The following MEOX2 variants were observed in gnomAD, a reference collection of about 807,000 sequenced individuals.
MEOX2 encodes homeobox protein MOX-2.
Under a neutral mutation model 27.0 loss-of-function variants are expected in MEOX2, and 11 were observed. The observed-to-expected ratio is 0.41, with a 90% CI of 0.26 to 0.68. The LOEUF is 0.68. Ranked by LOEUF, MEOX2 falls within the 30% of genes least tolerant of loss-of-function variation. The pLI, the probability that MEOX2 is intolerant of heterozygous loss-of-function variation, is 0.33. For missense variants in MEOX2, 436 were observed against 385.4 expected (o/e 1.13, Z -1.10); for synonymous variants, 189 against 155.4 (o/e 1.22, Z -1.61).
chr7:15,629,417 A>G (rs1272716071), intron 1 of MEOX2, among the ~76,000 whole-genome samples: 1 of 152,124 alleles, frequency 6.6e-6, no homozygotes, highest in South Asian at 2.1e-4. Flanking sequence ...TCCATAAATT[A>G]TTTACTGAAT....
At chr7:15,628,229 C>T (rs879559625) in intron 1 of MEOX2, among the ~76,000 whole-genome samples, 2 of 151,888 alleles carry the variant, frequency 1.3e-5, no homozygotes, top group East Asian at 1.9e-4. Flanking sequence ...TTCTTTCTGT[C>T]TGCCTGAGGG....
At chr7:15,633,048 T>A (rs1022564552) in intron 1 of MEOX2, among the ~76,000 whole-genome samples, 4 of 151,948 alleles carry the variant, frequency 2.6e-5, no homozygotes, top group Non-Finnish European at 5.9e-5. Flanking sequence ...GTACCACTTC[T>A]GTCAGCTCCC....
intron 1 of MEOX2, among the ~76,000 whole-genome samples, chr7:15,631,684 T>A (rs1021204246): frequency 1.2e-4 from 18 of 151,984 alleles, no homozygotes; most frequent in Admixed American, 1.1e-3. Flanking sequence ...TAGCAATAGC[T>A]ACTTACATAA....
At chr7:15,677,503 A>G (rs2115395258) in intron 1 of MEOX2, 1 of 152,304 alleles carries the variant, frequency 6.6e-6, no homozygotes, top group South Asian at 2.1e-4. Flanking sequence ...GGCTTCGGAT[A>G]GTGTTTGATC....
intron 2 of MEOX2, among the ~76,000 whole-genome samples, chr7:15,626,025 C>G (rs554506402): frequency 6.6e-6 from 1 of 152,154 alleles, no homozygotes; most frequent in Non-Finnish European, 1.5e-5. Flanking sequence ...TACCAATGAT[C>G]TATGTGTCCT....
chr7:15,649,242 G>T (rs1051469242), intron 1 of MEOX2, among the ~76,000 whole-genome samples: 1 of 151,968 alleles, frequency 6.6e-6, no homozygotes, highest in South Asian at 2.1e-4. Context: ...TACAATGCAA[G>T]GTATTGTTTT....
Position 15,620,424 on chromosome 7 carries a change from C to T in MEOX2, c.690+6322G>A, listed in dbSNP as rs140368451. Among the ~76,000 whole-genome samples the T allele has an allele frequency of 3.5e-3, 529 of 151,982 alleles. 3 individuals carry two copies. Among genetic ancestry groups the T allele is most frequent in the African/African-American group, 0.012 (509 of 41,480 alleles). On this transcript the variant is annotated intron_variant, in intron 2 of 2. Transcript: ENST00000262041. ...GATTGTGTAAAATAGCTGAGCAAAA[C>T]GGGCGTGGTAGCGGGCTCCTGTAGT...
intron 1 of MEOX2, among the ~76,000 whole-genome samples, chr7:15,678,096 T>C (rs1419258843): frequency 6.6e-6 from 1 of 152,206 alleles, no homozygotes; most frequent in Non-Finnish European, 1.5e-5. Context: ...ACTCTGACTT[T>C]CCTGTCATTT....
chr7:15,634,584 T>C (rs753609029), intron 1 of MEOX2, among the ~76,000 whole-genome samples: 8 of 151,986 alleles, frequency 5.3e-5, no homozygotes, highest in Non-Finnish European at 8.8e-5. Flanking sequence ...ATGTACTCCA[T>C]GGGGAAAAAT....
At chr7:15,632,446 A>G (rs540567701) in intron 1 of MEOX2, among the ~76,000 whole-genome samples, 2 of 151,868 alleles carry the variant, frequency 1.3e-5, no homozygotes, top group South Asian at 2.1e-4. Flanking sequence ...ATGCTTCCTC[A>G]TAGTAAGAAT....
At chr7:15,620,425 G>A (rs1429978954) in intron 2 of MEOX2, among the ~76,000 whole-genome samples, 1 of 151,944 alleles carries the variant, frequency 6.6e-6, no homozygotes, top group African/African-American at 2.4e-5. Context: ...TGAGCAAAAC[G>A]GGCGTGGTAG....
At chr7:15,641,976 T>C (rs76902068) in intron 1 of MEOX2, among the ~76,000 whole-genome samples, 15,700 of 152,186 alleles carry the variant, frequency 0.1, 945 homozygotes, top group African/African-American at 0.15. Flanking sequence ...TGCTGAGAAA[T>C]CTTCTGTTAG....
intron 1 of MEOX2, among the ~76,000 whole-genome samples, chr7:15,645,807 T>A (rs2115373698): frequency 6.6e-6 from 1 of 152,258 alleles, no homozygotes; most frequent in Admixed American, 6.5e-5. Context: ...AGGGAAATGA[T>A]CACGGAAATA....
chr7:15,611,372 C>T lies in MEOX2; in HGVS notation c.*1015G>A, dbSNP rs149529182. On this transcript the variant is annotated 3_prime_UTR_variant, in exon 3 of 3. Transcript: ENST00000262041. ...TTCTATCAACTTGAGCAACCAGTTT[C>T]GCTTTGCACCTTGTCTAACACTGTT... 6.1e-3 allele frequency: 930 copies of T among 152,574 alleles called. 4 individuals carry two copies. The highest frequency in any genetic ancestry group is 8.5e-3 in the Non-Finnish European group (581 of 67,998). The allele number at this position is 152,574 out of a possible 1,614,324, so 9.5% of individuals were successfully genotyped here.
intron 1 of MEOX2, among the ~76,000 whole-genome samples, chr7:15,659,512 G>A (rs1277940028): frequency 6.6e-6 from 1 of 152,118 alleles, no homozygotes; most frequent in Non-Finnish European, 1.5e-5. Context: ...TGTAATCCCA[G>A]CACTTTGGGA....
chr7:15,660,101 A>G (rs1781888159), intron 1 of MEOX2, among the ~76,000 whole-genome samples: 1 of 152,242 alleles, frequency 6.6e-6, no homozygotes, highest in Non-Finnish European at 1.5e-5. Context: ...TCTAGGAGGA[A>G]GTGACTCCTG....
intron 1 of MEOX2, among the ~76,000 whole-genome samples, chr7:15,684,537 GAATC>G: frequency 6.6e-6 from 1 of 152,282 alleles, no homozygotes; most frequent in Non-Finnish European, 1.5e-5. Flanking sequence ...CGTGAGAGAA[GAATC>G]CATCCTATAG....
intron 2 of MEOX2, among the ~76,000 whole-genome samples, chr7:15,622,825 C>A (rs1781241811): frequency 6.6e-6 from 1 of 152,072 alleles, no homozygotes; most frequent in Non-Finnish European, 1.5e-5. Flanking sequence ...GGAGATGGGG[C>A]CCTTGGAATG....
chr7:15,637,695 T>C (rs774312855), intron 1 of MEOX2, among the ~76,000 whole-genome samples: 6 of 152,058 alleles, frequency 3.9e-5, no homozygotes, highest in Non-Finnish European at 5.9e-5. Flanking sequence ...CAGTTCTGTT[T>C]ACAACTCTAG....
Sources: allele counts gnomAD v4.1 joint callset (sites outside exome capture counted in the v4.1 genomes callset), GRCh38; gene constraint gnomAD v4.1.1; transcripts MANE v1.5; gene names NCBI Gene and HGNC (gene_info 2026-07-23, HGNC 2026-07-21).